PFKL: variants seen among roughly 807,000 people sequenced by gnomAD.
PFKL encodes the protein ATP-dependent 6-phosphofructokinase, liver type.
Under a neutral mutation model 92.1 loss-of-function variants are expected in PFKL, and 74 were observed. That is an observed-to-expected ratio of 0.80 (90% CI 0.67 to 0.97). PFKL has a LOEUF of 0.97. Ranked by LOEUF, PFKL falls within the 50% of genes least tolerant of loss-of-function variation. The pLI is 0.00. For synonymous variants in PFKL, 494 were observed against 456.4 expected, an observed-to-expected ratio of 1.08 and a Z score of -1.05; for missense variants, 1,028 against 1,116.6, an observed-to-expected ratio of 0.92 and a Z score of 1.13.
At chr21:44,325,111 T>C (rs1232306020) in intron 18 of PFKL, 42 bp from the exon 19 acceptor site, 7 of 1,427,104 alleles carry the variant, frequency 4.9e-6, no homozygotes, top group Non-Finnish European at 6.9e-6. Context: ...GGGGGAGACC[T>C]GAACTCGTTC....
chr21:44,314,254 C>G (rs2047137580), intron 7 of PFKL: 1 of 552,976 alleles, frequency 1.8e-6, no homozygotes, highest in East Asian at 3.0e-5. Flanking sequence ...GTCACTCAGG[C>G]TGCCGCCGCC....
chr21:44,306,510 A>C (rs2040948374), intron 1 of PFKL, among the ~76,000 whole-genome samples, 171 bp from the exon 2 acceptor site: 2 of 148,894 alleles, frequency 1.3e-5, no homozygotes, highest in Middle Eastern at 3.5e-3. Flanking sequence ...GCCTTCCCTG[A>C]CCCTTGCCCT....
chr21:44,325,753 G>A (rs1314833284), intron 19 of PFKL: 5 of 573,448 alleles, frequency 8.7e-6, no homozygotes, highest in African/African-American at 3.7e-5. Flanking sequence ...TGCCGGCCTC[G>A]GGAGGCAGCT....
chr21:44,303,088 G>T (rs1348520199), intron 1 of PFKL, among the ~76,000 whole-genome samples: 1 of 152,064 alleles, frequency 6.6e-6, no homozygotes, highest in Non-Finnish European at 1.5e-5. Flanking sequence ...CAAAAAATTA[G>T]CTGGGCATGG....
At chr21:44,326,303 G>C (rs1433800237) in intron 21 of PFKL, 39 bp downstream of exon 21, 1 of 1,472,908 alleles carries the variant, frequency 6.8e-7, no homozygotes, top group African/African-American at 1.4e-5. Flanking sequence ...GGGTGGGGCT[G>C]AGGGGTGGCC....
chr21:44,326,773 G>A lies in PFKL; in HGVS notation c.2254G>A (p.Ala752Thr). The change falls in exon 22 of 22, where the codon GCA (alanine) becomes ACA (threonine). Residue 752 changes from alanine (A) to threonine (T), a missense_variant. Ala to Thr is a moderately conservative substitution (Grantham distance 58, BLOSUM62 0). Transcript: ENST00000349048. ...LSLRLMLKML[A>T]QYRISMAAYV... ...CCTGCGGCTCATGCTGAAGATGCTGGCACAATACCGCATCAGTATGGCCGC... is the reference window on the plus strand; with the variant it reads ...CCTGCGGCTCATGCTGAAGATGCTGACACAATACCGCATCAGTATGGCCGC... The A allele has an allele frequency of 6.2e-7, 1 of 1,610,920 alleles. No individual in the cohort carries two copies. The highest frequency in any genetic ancestry group is 8.5e-7 in the Non-Finnish European group (1 of 1,179,122).
intron 14 of PFKL, 91 bp downstream of exon 14, chr21:44,322,294 C>T (rs894563979): frequency 8.8e-5 from 111 of 1,259,112 alleles, no homozygotes; most frequent in African/African-American, 2.1e-4. Context: ...GAACCCAGCC[C>T]GGGGCCCTGG....
Position 44,318,583 on chromosome 21 carries a change from G to C in PFKL, c.1050G>C (p.Glu350Asp). 1 of 1,527,588 alleles carries C rather than the reference G, an allele frequency of 6.5e-7. No individual in the cohort carries two copies. Among genetic ancestry groups the C allele is most frequent in the African/African-American group, 1.4e-5 (1 of 72,040 alleles). 94.6% of individuals were successfully genotyped at this position (1,527,588 alleles called of 1,614,324 possible). The part of the protein sequence containing the change: ...GNQSVRLPLM[E>D]CVQMTKEVQK... ...AGTCAGTGCGGCTGCCCCTCATGGA[G>C]TGCGTGCAGATGGTAAGCCCTGGGC... Residue 350 changes from glutamate (E) to aspartate (D), a missense_variant, in exon 10 of 22, where the codon GAG becomes GAC. Physicochemically the swap from Glu to Asp is conservative, Grantham distance 45 (BLOSUM62 2). Transcript: ENST00000349048.
chr21:44,323,967 T>C, intron 16 of PFKL, 49 bp downstream of exon 16: 1 of 1,604,972 alleles, frequency 6.2e-7, no homozygotes, highest in South Asian at 1.1e-5. Flanking sequence ...CCTTGTGGGG[T>C]GGGGCTGAGC....
intron 1 of PFKL, among the ~76,000 whole-genome samples, chr21:44,304,713 CG>C (rs2040880486): frequency 1.2e-5 from 1 of 80,868 alleles, no homozygotes; most frequent in African/African-American, 4.8e-5. Flanking sequence ...CTGTCTGTCT[CG>C]GGGGGCTTGG....
intron 12 of PFKL, 186 bp downstream of exon 12, chr21:44,320,333 G>C: frequency 1.9e-6 from 1 of 524,820 alleles, no homozygotes; most frequent in South Asian, 2.4e-5. Context: ...GGCAGGTCCC[G>C]GGTGCTGGGA....
chr21:44,309,690 G>A (rs1300299754), intron 2 of PFKL, among the ~76,000 whole-genome samples: 1 of 152,182 alleles, frequency 6.6e-6, no homozygotes, highest in East Asian at 1.9e-4. Flanking sequence ...TCCTGCTCAG[G>A]TGGGGCTGTG....
chr21:44,327,142 T>G lies in PFKL; in HGVS notation c.*280T>G. The G allele has an allele frequency of 4.1e-6, 2 of 489,832 alleles. No individual in the cohort carries two copies. Among genetic ancestry groups the G allele is most frequent in the Non-Finnish European group, 3.7e-6 (1 of 267,422 alleles). The allele number at this position is 489,832 out of a possible 1,614,324, so 30.3% of individuals were successfully genotyped here. ...GGCGCTGTCGGTGTTTGGAGGCTGC[T>G]GCCCCCTGGCTTTGGCGCCCCATGG... On this transcript the variant is annotated 3_prime_UTR_variant, in exon 22 of 22. Transcript: ENST00000349048.
At chr21:44,307,214 C>A in intron 2 of PFKL, 2 of 932,346 alleles carry the variant, frequency 2.1e-6, no homozygotes, top group Non-Finnish European at 2.6e-6. Flanking sequence ...GGGGGGCAGC[C>A]GCTGGCAGCA....
Position 44,306,734 on chromosome 21 carries a change from A to G in PFKL, c.139A>G (p.Lys47Glu). The change falls in exon 2 of 22, where the codon AAA becomes GAA. Residue 47 changes from lysine to glutamate, a missense_variant. Physicochemically the swap from Lys to Glu is moderately conservative, Grantham distance 56. Coordinates refer to ENST00000349048, the MANE Select transcript of PFKL (RefSeq NM_002626.6). ...GCGCATGGGCATTTATGTGGGTGCCAAAGTCTTCCTCATCTACGAGGTAAG... is the reference window on the plus strand; with the variant it reads ...GCGCATGGGCATTTATGTGGGTGCCGAAGTCTTCCTCATCTACGAGGTAAG... ...VTRMGIYVGA[K>E]VFLIYEGYEG... The G allele has an allele frequency of 6.2e-7, 1 of 1,613,874 alleles. No individual in the cohort carries two copies. The highest frequency in any genetic ancestry group is 8.5e-7 in the Non-Finnish European group (1 of 1,179,914).
chr21:44,325,410 A>G, intron 19 of PFKL, 146 bp downstream of exon 19: 1 of 631,716 alleles, frequency 1.6e-6, no homozygotes, highest in Non-Finnish European at 2.9e-6. Flanking sequence ...CAGTGAGGGG[A>G]CCGAGGCCTG....
At chr21:44,317,423 G>C (rs2145987437) in intron 9 of PFKL, among the ~76,000 whole-genome samples, 1 of 152,340 alleles carries the variant, frequency 6.6e-6, no homozygotes, top group Middle Eastern at 3.4e-3. Context: ...TGTCCCCTCT[G>C]TGAGGCCTCA....
intron 6 of PFKL, 94 bp from the exon 7 acceptor site, chr21:44,313,819 G>A: frequency 1.5e-6 from 2 of 1,327,370 alleles, no homozygotes; most frequent in South Asian, 2.5e-5. Flanking sequence ...GAGAGACAGA[G>A]AAGCTGTGGC....
In PFKL at chr21:44,326,880, C is replaced by T; in HGVS notation, c.*18C>T. 6.3e-6 allele frequency: 10 copies of T among 1,592,568 alleles called. No individual in the cohort carries two copies. The highest frequency in any genetic ancestry group is 7.7e-6 in the Non-Finnish European group (9 of 1,168,964). On this transcript the variant is annotated 3_prime_UTR_variant, in exon 22 of 22. Transcript: ENST00000349048. ...GCTTCTGAGGCCAGCCATGCCCACG[C>T]CCCTCCCCAGCCCCCACCCATGCCA...
Sources: allele counts gnomAD v4.1 joint callset (sites outside exome capture counted in the v4.1 genomes callset), GRCh38; gene constraint gnomAD v4.1.1; transcripts MANE v1.5; gene names NCBI Gene and HGNC (gene_info 2026-07-23, HGNC 2026-07-21).